The following RBM27 variants were observed in gnomAD, a reference collection of about 807,000 sequenced individuals.
RBM27 encodes RNA binding motif protein 27.
A neutral mutation model predicts 135.3 loss-of-function variants in RBM27; 22 were observed. That is an observed-to-expected ratio of 0.16 (90% CI 0.12 to 0.23). The LOEUF is 0.23. Among genes scored for constraint, RBM27 ranks in the 10% least tolerant of loss-of-function variants. The pLI, the probability that RBM27 is intolerant of heterozygous loss-of-function variation, is 1.00. For synonymous variants in RBM27, 481 were observed against 442.4 expected (o/e 1.09, Z -1.10); for missense variants, 1,009 against 1,281.0 (o/e 0.79, Z 3.24).
At chr5:146,212,599 C>A (rs1242334915) in intron 1 of RBM27, among the ~76,000 whole-genome samples, 1 of 152,158 alleles carries the variant, frequency 6.6e-6, no homozygotes, top group East Asian at 1.9e-4. Flanking sequence ...AGCAATCCTC[C>A]CACCTCAGCC....
intron 9 of RBM27, among the ~76,000 whole-genome samples, chr5:146,253,254 C>T (rs1004718368): frequency 8.5e-5 from 13 of 152,104 alleles, no homozygotes; most frequent in African/African-American, 3.1e-4. Flanking sequence ...CCTTGGCCTC[C>T]CAAAGTGCTG....
At position 146,261,782 on chromosome 5, in the gene RBM27, A is replaced by C; in HGVS notation, c.2166A>C (p.Ser722=). 1 of 1,614,198 alleles carries C rather than the reference A, an allele frequency of 6.2e-7. No homozygotes were observed. Among genetic ancestry groups the C allele is most frequent in the Non-Finnish European group, 8.5e-7 (1 of 1,180,034 alleles). ...QQVLVAQSAP[S]TVHGGIQKMM... ...TGCTAGTGGCCCAGTCTGCTCCTTC[A>C]ACAGTGCACGGAGGTATCCAGAAGG... The change falls in exon 13 of 21, where the codon TCA becomes TCC. Residue 722 remains serine (S), a synonymous_variant. Coordinates refer to ENST00000265271, the MANE Select transcript of RBM27 (RefSeq NM_018989.2).
intron 10 of RBM27, among the ~76,000 whole-genome samples, chr5:146,257,433 A>G (rs188257264): frequency 4.6e-5 from 7 of 152,348 alleles, no homozygotes; most frequent in Admixed American, 4.6e-4. Context: ...GAAAATCAAA[A>G]GAAACACAGT....
chr5:146,262,292 T>TTTG (rs35361860), intron 13 of RBM27, among the ~76,000 whole-genome samples: 57,637 of 151,856 alleles, frequency 0.38, 11,486 homozygotes, highest in African/African-American at 0.49. Flanking sequence ...AGCTATTTAT[T>TTTG]TTTTAGAATC....
rs1759117852 is a variant in RBM27, at chr5:146,276,999, CT to C, written c.2988+5328del. Among the ~76,000 whole-genome samples, 3 of 152,202 alleles carry C rather than the reference CT, an allele frequency of 2.0e-5. No homozygotes were observed. In the South Asian group the frequency reaches 6.2e-4, roughly 32 times the overall value. On this transcript the variant is annotated intron_variant, in intron 19 of 20. Transcript: ENST00000265271. ...ATCAGGAGTTTACCTTTTCTGCACA[CT>C]TTACTGTGTTCAGGGTTCTTCAGGT...
chr5:146,217,251 G>A (rs1213859860), intron 1 of RBM27, among the ~76,000 whole-genome samples: 1 of 152,068 alleles, frequency 6.6e-6, no homozygotes, highest in African/African-American at 2.4e-5. Context: ...ACAGATGTGA[G>A]CCACCGTGCC....
Position 146,203,624 on chromosome 5 carries a change from C to T in RBM27, c.-142C>T, listed in dbSNP as rs1462339687. On this transcript the variant is annotated 5_prime_UTR_variant, in exon 1 of 21. Coordinates refer to ENST00000265271, the MANE Select transcript of RBM27 (RefSeq NM_018989.2). ...TGGGTTAGTTCCTGTTAGGCCCCGG[C>T]CGGGGGAGTAGGTTGAAGTCTCCTA... 2.8e-6 allele frequency: 2 copies of T among 725,330 alleles called. No individual in the cohort carries two copies. Among genetic ancestry groups the T allele is most frequent in the Non-Finnish European group, 2.3e-6 (1 of 431,016 alleles). The allele number at this position is 725,330 out of a possible 1,614,324, so 44.9% of individuals were successfully genotyped here. A position where few individuals can be genotyped will look rare whatever the true frequency, so the allele number is the denominator to read the frequency against.
rs1408608669 is a variant in RBM27 at position 146,224,714 on chromosome 5, C to A, written c.303+1187C>A. ...AAAAAAAAAAATTACGAGAATAATA[C>A]CCAAAACACCCATATGACGTCTATC... is the stretch of plus-strand genomic sequence containing the variant. On this transcript the variant is annotated intron_variant, in intron 3 of 20. Coordinates refer to ENST00000265271, the MANE Select transcript of RBM27 (RefSeq NM_018989.2). 4.0e-5 allele frequency among the ~76,000 whole-genome samples: 6 copies of A among 151,728 alleles called. No individual in the cohort carries two copies. The East Asian group carries it at 1.2e-3, about 29-fold the overall frequency.
chr5:146,216,409 T>G (rs1561525130), intron 1 of RBM27, among the ~76,000 whole-genome samples: 1 of 152,168 alleles, frequency 6.6e-6, no homozygotes, highest in Non-Finnish European at 1.5e-5. Context: ...TGTATGTATT[T>G]AAGGTGTGAT....
chr5:146,226,533 C>G (rs1461147542), intron 3 of RBM27, among the ~76,000 whole-genome samples: 1 of 151,874 alleles, frequency 6.6e-6, no homozygotes, highest in Admixed American at 6.6e-5. Context: ...TGCCCACCAC[C>G]ACTCCTGGCT....
At chr5:146,220,444 C>T (rs2126713373) in intron 2 of RBM27, among the ~76,000 whole-genome samples, 1 of 140,184 alleles carries the variant, frequency 7.1e-6, no homozygotes, top group East Asian at 2.1e-4. Context: ...CACTGCATTC[C>T]AGAATGGGCG....
intron 1 of RBM27, among the ~76,000 whole-genome samples, chr5:146,217,143 T>A (rs1438690074): frequency 6.6e-6 from 1 of 151,992 alleles, no homozygotes; most frequent in Non-Finnish European, 1.5e-5. Context: ...ATTTTTGTAT[T>A]TTTAGTAGAG....
rs1757865250 is a variant in RBM27, at chr5:146,251,064, G to GT, written c.1280-646dup. ...TGCTGGGATTACAGGCGTGAGCCAC[G>GT]TGAGCCACCGTGCCTGGCCTGTCCT... On this transcript the variant is annotated intron_variant, in intron 8 of 20. Transcript: ENST00000265271. 3.5e-5 allele frequency among the ~76,000 whole-genome samples: 5 copies of GT among 142,392 alleles called. No homozygotes were observed. In the South Asian group the frequency reaches 1.1e-3, roughly 31 times the overall value. 93.4% of individuals were successfully genotyped at this position (142,392 alleles called of 152,430 possible). A position where few individuals can be genotyped will look rare whatever the true frequency, so the allele number is the denominator to read the frequency against.
chr5:146,263,208 A>G (rs1051951310), intron 13 of RBM27, among the ~76,000 whole-genome samples: 5 of 152,156 alleles, frequency 3.3e-5, no homozygotes, highest in African/African-American at 1.2e-4. Context: ...CTTTCAGAGC[A>G]TTGCATACTA....
rs112011402 is a variant in RBM27, at chr5:146,222,857, A to T, written c.179-546A>T. On this transcript the variant is annotated intron_variant, in intron 2 of 20. Transcript: ENST00000265271. Reference sequence around the variant, plus strand: ...CATATCAGTAAATATTTAACTGATTAAAAAAAATTTTCGGTTAAGTTTTTT... The same window carrying T: ...CATATCAGTAAATATTTAACTGATTTAAAAAAATTTTCGGTTAAGTTTTTT... 8.6e-3 allele frequency among the ~76,000 whole-genome samples: 1,308 copies of T among 152,278 alleles called. 24 individuals are homozygous for T. Among genetic ancestry groups the T allele is most frequent in the African/African-American group, 0.028 (1,184 of 41,562 alleles).
At position 146,223,428 on chromosome 5, in the gene RBM27, A is replaced by G. The variant is rs747224873; in HGVS notation, c.204A>G (p.Leu68=). The change falls in exon 3 of 21, where the codon CTA becomes CTG. Residue 68 remains leucine, a synonymous_variant. Transcript: ENST00000265271. ...QKETSGFVDK[L]FESLYTKNYL... ...AAACTTCAGGTTTTGTGGACAAACTATTTGAAAGTCTCTATACTAAGAACT... is the reference window on the plus strand; with the variant it reads ...AAACTTCAGGTTTTGTGGACAAACTGTTTGAAAGTCTCTATACTAAGAACT... The G allele has an allele frequency of 8.1e-6, 13 of 1,604,070 alleles. No homozygotes were observed. The highest frequency in any genetic ancestry group is 1.1e-5 in the South Asian group (1 of 88,716).
At chr5:146,261,302 G>T (rs1758385510) in intron 12 of RBM27, 2 of 598,114 alleles carry the variant, frequency 3.3e-6, no homozygotes, top group Non-Finnish European at 2.9e-6. Context: ...TTCTTTTAAG[G>T]CCACCGATAC....
At chr5:146,226,830 G>T (rs932391123) in intron 3 of RBM27, among the ~76,000 whole-genome samples, 12 of 151,828 alleles carry the variant, frequency 7.9e-5, no homozygotes, top group Admixed American at 7.9e-4. Context: ...GCTTTCCGGC[G>T]TTTCTCATTT....
chr5:146,267,870 ACAT>A, intron 15 of RBM27, 102 bp downstream of exon 15: 1 of 1,165,414 alleles, frequency 8.6e-7, no homozygotes, highest in Admixed American at 2.4e-5. Flanking sequence ...GCAGGGCATA[ACAT>A]CATAATGCTT....
Sources: allele counts gnomAD v4.1 joint callset (sites outside exome capture counted in the v4.1 genomes callset), GRCh38; gene constraint gnomAD v4.1.1; transcripts MANE v1.5; gene names NCBI Gene and HGNC (gene_info 2026-07-23, HGNC 2026-07-21).